Variants in PSD3 observed in about 807,000 individuals in gnomAD.
The protein encoded by PSD3 is pleckstrin and Sec7 domain containing 3, also known as PH and SEC7 domain-containing protein 3.
Under a neutral mutation model 105.5 loss-of-function variants are expected in PSD3, and 49 were observed. The observed-to-expected ratio is 0.46, with a 90% confidence interval of 0.37 to 0.59. PSD3 has a LOEUF of 0.59. PSD3 is among the 20% of genes least tolerant of loss of function. The pLI is 0.00. For missense variants in PSD3, 1,561 were observed against 1,263.8 expected (o/e 1.24, Z -3.57); for synonymous variants, 557 against 457.8 (o/e 1.22, Z -2.77).
intron 15 of PSD3, among the ~76,000 whole-genome samples, chr8:18,542,193 T>C (rs913770726): frequency 6.6e-6 from 1 of 152,182 alleles, no homozygotes; most frequent in Non-Finnish European, 1.5e-5. Flanking sequence ...TCATTACAAT[T>C]CATTACAACA....
chr8:18,979,723 A>AGTTTCTCATTGG (rs1439196037), intron 1 of PSD3: 14 of 187,202 alleles, frequency 7.5e-5, no homozygotes, highest in African/African-American at 3.3e-4. Flanking sequence ...TAACACCACA[A>AGTTTCTCATTGG]GAGTCTCTGG....
intron 4 of PSD3, among the ~76,000 whole-genome samples, chr8:18,837,277 G>T (rs536454226): frequency 3.3e-5 from 5 of 152,266 alleles, no homozygotes; most frequent in Admixed American, 6.5e-5. Flanking sequence ...CTGTAGACCA[G>T]GGGCCAGCTC....
intron 4 of PSD3, among the ~76,000 whole-genome samples, chr8:18,821,917 G>C (rs1438934909): frequency 6.7e-6 from 1 of 148,402 alleles, no homozygotes; most frequent in Non-Finnish European, 1.5e-5. Context: ...GTTGCTTAGA[G>C]GACAACCTCC....
chr8:18,958,414 T>G (rs1823712034), intron 1 of PSD3, among the ~76,000 whole-genome samples: 1 of 152,222 alleles, frequency 6.6e-6, no homozygotes, highest in African/African-American at 2.4e-5. Context: ...TTTCCCTTTT[T>G]TGTTTACTTT....
chr8:18,786,349 T>C (rs551817010), intron 8 of PSD3, among the ~76,000 whole-genome samples: 25 of 152,332 alleles, frequency 1.6e-4, no homozygotes, highest in Admixed American at 1.2e-3. Context: ...TAAGGAATTA[T>C]TAAAAACATC....
intron 9 of PSD3, among the ~76,000 whole-genome samples, chr8:18,679,179 T>A (rs1800241162): frequency 6.6e-6 from 1 of 152,226 alleles, no homozygotes; most frequent in African/African-American, 2.4e-5. Context: ...ATGACAACAA[T>A]CTGCAAGCCT....
rs114269231 is a variant in PSD3, at chr8:18,899,646, G to A, written c.131-26913C>T. ...TCACTGTTGAACTCATAGAGTTCTG[G>A]GTGGCTAAGGGTATTGTCCTATATC... On this transcript the variant is annotated intron_variant, in intron 2 of 15. Transcript: ENST00000327040. Among the ~76,000 whole-genome samples, 391 of 152,054 alleles carry A rather than the reference G, an allele frequency of 2.6e-3. 1 individual carries two copies. Among genetic ancestry groups the A allele is most frequent in the African/African-American group, 9.1e-3 (376 of 41,470 alleles).
rs370916974 is a variant in PSD3 at position 18,567,904 on chromosome 8, G to A, written c.2784+4624C>T. On this transcript the variant is annotated intron_variant, in intron 14 of 15. Transcript: ENST00000327040. ...GTGGGACCTGGTAAGAGGTGTTTGCGTTATGGGGGTAGATCCCTCATGAAT... is the reference window on the plus strand; with the variant it reads ...GTGGGACCTGGTAAGAGGTGTTTGCATTATGGGGGTAGATCCCTCATGAAT... Among the ~76,000 whole-genome samples the A allele has an allele frequency of 3.6e-3, 551 of 152,298 alleles. 4 individuals are homozygous for A. The highest frequency in any genetic ancestry group is 0.012 in the African/African-American group (519 of 41,552).
chr8:18,817,648 GT>G (rs1161774472), intron 4 of PSD3, among the ~76,000 whole-genome samples: 1 of 152,154 alleles, frequency 6.6e-6, no homozygotes, highest in Non-Finnish European at 1.5e-5. Flanking sequence ...TAATTCAAAT[GT>G]TTTCTTTCAT....
At chr8:18,865,812 C>T (rs967260279) in intron 4 of PSD3, among the ~76,000 whole-genome samples, 4 of 152,154 alleles carry the variant, frequency 2.6e-5, no homozygotes, top group East Asian at 1.9e-4. Flanking sequence ...TATCTCAACA[C>T]GGCCTGAAGA....
intron 15 of PSD3, among the ~76,000 whole-genome samples, chr8:18,544,570 G>A (rs891125033): frequency 6.6e-6 from 1 of 152,062 alleles, no homozygotes; most frequent in Non-Finnish European, 1.5e-5. Context: ...CAAAGAAAGT[G>A]TGAATTCCGT....
At chr8:18,943,967 C>T (rs1057454150) in intron 1 of PSD3, among the ~76,000 whole-genome samples, 3 of 152,044 alleles carry the variant, frequency 2.0e-5, no homozygotes, top group Non-Finnish European at 4.4e-5. Flanking sequence ...AATTAAGTCA[C>T]GACTCTATTA....
chr8:18,681,945 G>A (rs1800412412), intron 9 of PSD3, among the ~76,000 whole-genome samples: 1 of 150,918 alleles, frequency 6.6e-6, no homozygotes, highest in African/African-American at 2.4e-5. Context: ...ATGGCCTACT[G>A]ACTACAGTTC....
chr8:18,698,707 G>C (rs946875105), intron 9 of PSD3, among the ~76,000 whole-genome samples: 2 of 152,128 alleles, frequency 1.3e-5, no homozygotes, highest in African/African-American at 4.8e-5. Context: ...ATAGCAAACA[G>C]ATATACCTAT....
intron 9 of PSD3, among the ~76,000 whole-genome samples, chr8:18,672,369 C>G (rs1374506103): frequency 1.3e-5 from 2 of 152,028 alleles, no homozygotes; most frequent in Non-Finnish European, 2.9e-5. Flanking sequence ...CCCTGGGGGA[C>G]TTTGACATTT....
chr8:18,878,926 C>T (rs1188518094), intron 2 of PSD3, among the ~76,000 whole-genome samples: 3 of 152,032 alleles, frequency 2.0e-5, no homozygotes, highest in Non-Finnish European at 4.4e-5. Context: ...TGCACCAAAA[C>T]ATATAACAGT....
rs763831946 is a variant in PSD3, at chr8:18,532,909, T to C, written c.*2834A>G. On this transcript the variant is annotated 3_prime_UTR_variant, in exon 16 of 16. Transcript: ENST00000327040. ...TTCTGTACTAGAAATTAATATGAAG[T>C]GTATTGACGTGAAGAAGAATGATTT... 7 of 152,062 alleles carry C rather than the reference T, an allele frequency of 4.6e-5. No homozygotes were observed. Among genetic ancestry groups the C allele is most frequent in the Non-Finnish European group, 1.0e-4 (7 of 68,042 alleles). 9.4% of individuals were successfully genotyped at this position (152,062 alleles called of 1,614,324 possible).
rs934038392 is a variant in PSD3, at chr8:19,067,027, G to C, written c.324+17179C>G. Among the ~76,000 whole-genome samples, 3 of 152,170 alleles carry C rather than the reference G, an allele frequency of 2.0e-5. No homozygotes were observed. In the East Asian group the frequency reaches 5.8e-4, roughly 29 times the overall value. On this transcript the variant is annotated intron_variant, in intron 1 of 1. Coordinates refer to the PSD3 transcript ENST00000521475. ...TATTATTATTAGTTATAATCACAGG[G>C]TCTAGCACAGAGCATAACAATGAAT...
chr8:18,814,879 T>C (rs1812074061), intron 4 of PSD3, among the ~76,000 whole-genome samples: 1 of 152,200 alleles, frequency 6.6e-6, no homozygotes, highest in Non-Finnish European at 1.5e-5. Flanking sequence ...GTATATGCAC[T>C]GGACATCAGA....
Sources: gnomAD v4.1 joint callset for allele counts (sites outside exome capture counted in the v4.1 genomes callset) on GRCh38, gnomAD v4.1.1 for gene constraint, MANE v1.5 for transcripts, NCBI Gene and HGNC (gene_info 2026-07-23, HGNC 2026-07-21) for gene names.